FABP6: variants seen among roughly 807,000 people sequenced by gnomAD.
FABP6 encodes gastrotropin.
Under a neutral mutation model 14.9 loss-of-function variants are expected in FABP6, and 13 were observed. That is an observed-to-expected ratio of 0.87 (90% CI 0.57 to 1.39). FABP6 has a LOEUF of 1.39. Among genes scored for constraint, FABP6 ranks in the 40% most tolerant of loss-of-function variants. The pLI, the probability that FABP6 is intolerant of heterozygous loss-of-function variation, is 0.00. For missense variants in FABP6, 161 were observed against 167.2 expected, an observed-to-expected ratio of 0.96 and a Z score of 0.20; for synonymous variants, 75 against 63.6, an observed-to-expected ratio of 1.18 and a Z score of -0.85.
exon 2 of FABP6, chr5:160,199,120 C>G (rs201223363): frequency 4.3e-6 from 7 of 1,614,110 alleles, no homozygotes; most frequent in East Asian, 4.5e-5. Context: ...AAGACAGTGA[C>G]GATGATGATG....
Position 160,238,673 on chromosome 5 carries a change from GC to G in FABP6, c.*17del. On this transcript the variant is annotated 3_prime_UTR_variant, in exon 4 of 4. Coordinates refer to ENST00000402432, the MANE Select transcript of FABP6 (RefSeq NM_001445.3). ...AGACTGGCCTAAGCAGCCAGGCCCG[GC>G]CCAGGGAGCTACAAACCCACCAATA... The G allele has an allele frequency of 6.2e-7, 1 of 1,613,344 alleles. No homozygotes were observed. Among genetic ancestry groups the G allele is most frequent in the Non-Finnish European group, 8.5e-7 (1 of 1,179,374 alleles).
intron 2 of FABP6, among the ~76,000 whole-genome samples, chr5:160,201,009 G>A (rs1759627180): frequency 6.6e-6 from 1 of 152,154 alleles, no homozygotes; most frequent in Non-Finnish European, 1.5e-5. Flanking sequence ...ACATATGAAT[G>A]TATACATATT....
At chr5:160,235,044 G>C (rs1016014508) in intron 3 of FABP6, 135 bp downstream of exon 3, 1 of 571,600 alleles carries the variant, frequency 1.7e-6, no homozygotes, top group Admixed American at 3.6e-5. Flanking sequence ...CTGAGTGCTG[G>C]ATGCACATGA....
chr5:160,226,812 ATCAGTGAGGGGAAATTC>A (rs913016103), upstream of FABP6, among the ~76,000 whole-genome samples: 1 of 152,204 alleles, frequency 6.6e-6, no homozygotes, highest in Non-Finnish European at 1.5e-5. Flanking sequence ...CATTATTATT[ATCAGTGAGGGGAAATTC>A]TCACATGCTC....
At chr5:160,225,742 C>G (rs1484028281), upstream of FABP6, among the ~76,000 whole-genome samples, 1 of 152,076 alleles carries the variant, frequency 6.6e-6, no homozygotes, top group East Asian at 1.9e-4. Context: ...TGTTTACAAA[C>G]TAATGCTGGG....
At chr5:160,230,985 C>G (rs997898377) in intron 1 of FABP6, among the ~76,000 whole-genome samples, 3 of 152,210 alleles carry the variant, frequency 2.0e-5, no homozygotes, top group African/African-American at 7.2e-5. Context: ...ACCAATGAGA[C>G]AGTGGATCTG....
At chr5:160,205,194 T>C (rs1388643965) in intron 2 of FABP6, among the ~76,000 whole-genome samples, 2 of 151,462 alleles carry the variant, frequency 1.3e-5, no homozygotes, top group Non-Finnish European at 2.9e-5. Flanking sequence ...AAAGACAAGA[T>C]ACCATTAATG....
At chr5:160,209,239 T>C (rs1267793283) in intron 2 of FABP6, among the ~76,000 whole-genome samples, 2 of 151,852 alleles carry the variant, frequency 1.3e-5, no homozygotes, top group Non-Finnish European at 2.9e-5. Flanking sequence ...AATAAAGGTC[T>C]GGTGTGGTGG....
At chr5:160,195,817 G>T (rs1467616533) in intron 1 of FABP6, 1 of 152,198 alleles carries the variant, frequency 6.6e-6, no homozygotes, top group Non-Finnish European at 1.5e-5. Flanking sequence ...ATAGAGCAAC[G>T]TGGCTCCCTC....
intron 2 of FABP6, among the ~76,000 whole-genome samples, chr5:160,199,745 C>G (rs1649530413): frequency 1.3e-5 from 2 of 152,302 alleles, no homozygotes; most frequent in South Asian, 4.1e-4. Flanking sequence ...CAGTGTCCGG[C>G]GCGGGGAGGG....
chr5:160,201,227 A>G (rs1469917312), intron 2 of FABP6, among the ~76,000 whole-genome samples: 3 of 152,010 alleles, frequency 2.0e-5, no homozygotes, highest in Non-Finnish European at 4.4e-5. Context: ...GTGTGGAGGC[A>G]TGTAATTGTA....
intron 1 of FABP6, among the ~76,000 whole-genome samples, chr5:160,196,330 C>T (rs1759508074): frequency 6.6e-6 from 1 of 152,222 alleles, no homozygotes; most frequent in Non-Finnish European, 1.5e-5. Context: ...TACAGCTTCT[C>T]TGCCCAAACA....
intron 2 of FABP6, among the ~76,000 whole-genome samples, chr5:160,199,651 A>G (rs1466581437): frequency 2.6e-5 from 4 of 151,810 alleles, no homozygotes; most frequent in Non-Finnish European, 5.9e-5. Flanking sequence ...CCTACCTGGC[A>G]TCTCCCCCTG....
chr5:160,198,905 T>G lies in FABP6; in HGVS notation c.-58-144T>G, dbSNP rs575589782. 1.4e-4 allele frequency: 81 copies of G among 586,556 alleles called. 3 individuals carry two copies. The South Asian group carries it at 1.6e-3, about 12-fold the overall frequency. 36.3% of individuals were successfully genotyped at this position (586,556 alleles called of 1,614,324 possible). A position where few individuals can be genotyped will look rare whatever the true frequency, so the allele number is the denominator to read the frequency against. ...TCTTAATTCCTGGAGGGCAGGGACC[T>G]CACGTGTTTCTTCTGTATCTCCAGG... is the stretch of plus-strand genomic sequence containing the variant. On this transcript the variant is annotated intron_variant, in intron 1 of 6. Transcript: ENST00000393980.
intron 3 of FABP6, 116 bp from the exon 4 acceptor site, chr5:160,238,490 G>A: frequency 4.9e-6 from 4 of 814,702 alleles, no homozygotes; most frequent in South Asian, 4.6e-5. Context: ...AAGAAGTGGT[G>A]CGCCTGACTC....
At chr5:160,223,419 T>C (rs1347479105) in intron 3 of FABP6, among the ~76,000 whole-genome samples, 1 of 124,818 alleles carries the variant, frequency 8.0e-6, no homozygotes, top group African/African-American at 3.0e-5. Flanking sequence ...CCTTCTTTCC[T>C]TTCTTACTTC....
At chr5:160,227,980 T>TA (rs374535350), upstream of FABP6, among the ~76,000 whole-genome samples, 850 of 152,136 alleles carry the variant, frequency 5.6e-3, 8 homozygotes, top group African/African-American at 0.02. Context: ...AGAGACCGCT[T>TA]AGTCCCAGGT....
At chr5:160,210,973 T>C (rs1759878782) in intron 2 of FABP6, among the ~76,000 whole-genome samples, 4 of 152,204 alleles carry the variant, frequency 2.6e-5, no homozygotes, top group Admixed American at 2.6e-4. Context: ...CCTTTTGCCA[T>C]CTGACTTTCT....
intron 1 of FABP6, chr5:160,198,840 C>A: frequency 2.0e-6 from 1 of 503,204 alleles, no homozygotes; most frequent in Non-Finnish European, 3.6e-6. Context: ...AATACTGGCC[C>A]ATCATCCTGT....
Sources: gnomAD v4.1 joint callset for allele counts (sites outside exome capture counted in the v4.1 genomes callset) on GRCh38, gnomAD v4.1.1 for gene constraint, MANE v1.5 for transcripts, NCBI Gene and HGNC (gene_info 2026-07-23, HGNC 2026-07-21) for gene names.